The following GRIA1 variants were observed in gnomAD, a reference collection of about 807,000 sequenced individuals.
The protein encoded by GRIA1 is glutamate receptor 1.
GRIA1 carries 31 observed loss-of-function variants against 99.2 expected under a neutral mutation model. The ratio of observed to expected loss-of-function variants is 0.31; its 90% CI spans 0.23 to 0.42. GRIA1 has a LOEUF of 0.42. Ranked by LOEUF, GRIA1 falls within the 10% of genes least tolerant of loss-of-function variation. The pLI, the probability that GRIA1 is intolerant of heterozygous loss-of-function variation, is 1.00. For synonymous variants in GRIA1, 438 were observed against 432.4 expected (o/e 1.01, Z -0.16); for missense variants, 782 against 1,157.5 (o/e 0.68, Z 4.71).
intron 1 of GRIA1, 33 bp downstream of exon 1, chr5:153,491,003 C>A (rs201065021): frequency 2.9e-5 from 46 of 1,593,518 alleles, no homozygotes; most frequent in Non-Finnish European, 2.6e-5. Flanking sequence ...GAGGGACTTT[C>A]TGGGTCTGGC....
chr5:153,797,022 G>C (rs1182922375), intron 14 of GRIA1, among the ~76,000 whole-genome samples: 2 of 152,186 alleles, frequency 1.3e-5, no homozygotes, highest in Non-Finnish European at 2.9e-5. Flanking sequence ...TGCTCCGCTT[G>C]CTCCTTCCCC....
intron 2 of GRIA1, among the ~76,000 whole-genome samples, chr5:153,547,673 T>C (rs1759729832): frequency 6.6e-6 from 1 of 152,212 alleles, no homozygotes; most frequent in South Asian, 2.1e-4. Flanking sequence ...ATATTAGTAA[T>C]AGCTAGTTAC....
In GRIA1 at chr5:153,811,111, C is replaced by T. The variant is rs201719424; in HGVS notation, c.2607C>T (p.Ser869=). 4.3e-5 allele frequency: 70 copies of T among 1,613,882 alleles called. No homozygotes were observed. In the Admixed American group the frequency reaches 6.2e-4, roughly 14 times the overall value. The change falls in exon 16 of 16, where the codon AGC becomes AGT. Residue 869 remains serine (S), a synonymous_variant. Coordinates refer to ENST00000285900, the MANE Select transcript of GRIA1 (RefSeq NM_000827.4). The part of the protein sequence containing the change: ...LPRNSGAGAS[S]GGSGENGRVV... ...GCAACAGCGGGGCAGGAGCCAGCAG[C>T]GGCGGCAGTGGAGAGAATGGTCGGG... is the stretch of plus-strand genomic sequence containing the variant.
chr5:153,694,874 A>C (rs908987938), intron 8 of GRIA1, among the ~76,000 whole-genome samples: 1 of 152,100 alleles, frequency 6.6e-6, no homozygotes, highest in Non-Finnish European at 1.5e-5. Flanking sequence ...CTGTGGACTA[A>C]TTGTGAAGAA....
rs541670673 is a variant in GRIA1, at chr5:153,533,680, C to T, written c.220+39615C>T. On this transcript the variant is annotated intron_variant, in intron 2 of 15. Coordinates refer to ENST00000285900, the MANE Select transcript of GRIA1 (RefSeq NM_000827.4). ...TATTTCTCCATTGACACAGTTTAAC[C>T]TTTGCTTTTGGCAGCTAGCATATTG... Among the ~76,000 whole-genome samples, 6 of 152,246 alleles carry T rather than the reference C, an allele frequency of 3.9e-5. No homozygotes were observed. In the South Asian group the frequency reaches 1.0e-3, roughly 26 times the overall value.
At chr5:153,636,966 C>T (rs1034877161) in intron 2 of GRIA1, among the ~76,000 whole-genome samples, 4 of 152,220 alleles carry the variant, frequency 2.6e-5, no homozygotes, top group Non-Finnish European at 5.9e-5. Flanking sequence ...CTCTGCCACT[C>T]ACCACATGAA....
intron 2 of GRIA1, among the ~76,000 whole-genome samples, chr5:153,522,479 G>C (rs1011502455): frequency 1.3e-5 from 2 of 152,134 alleles, no homozygotes; most frequent in African/African-American, 4.8e-5. Flanking sequence ...AGTTAGGCCA[G>C]GTTATACCAC....
intron 5 of GRIA1, 81 bp downstream of exon 5, chr5:153,655,953 T>C (rs1469097147): frequency 2.5e-6 from 3 of 1,221,904 alleles, no homozygotes; most frequent in Non-Finnish European, 3.6e-6. Flanking sequence ...CCCTGGCTGA[T>C]GTGAACTGAG....
At chr5:153,496,084 G>T (rs945643694) in intron 2 of GRIA1, among the ~76,000 whole-genome samples, 1 of 152,242 alleles carries the variant, frequency 6.6e-6, no homozygotes, top group Non-Finnish European at 1.5e-5. Flanking sequence ...GTGTCAAGAT[G>T]TTGACTGGCA....
chr5:153,610,892 CGT>C (rs936561674), intron 2 of GRIA1, among the ~76,000 whole-genome samples: 4 of 152,154 alleles, frequency 2.6e-5, no homozygotes, highest in African/African-American at 9.7e-5. Context: ...ACACGTTTAT[CGT>C]GTGTCTCTCA....
intron 1 of GRIA1, chr5:153,491,462 GA>G: frequency 3.7e-6 from 1 of 270,746 alleles, no homozygotes; most frequent in Non-Finnish European, 5.8e-6. Context: ...AAGAAGGAGT[GA>G]GGGGTGCTGG....
intron 11 of GRIA1, among the ~76,000 whole-genome samples, chr5:153,753,816 G>A (rs1247129791): frequency 6.6e-6 from 1 of 152,166 alleles, no homozygotes; most frequent in Non-Finnish European, 1.5e-5. Flanking sequence ...TCAGATCACA[G>A]CTGTTTCTTC....
intron 2 of GRIA1, among the ~76,000 whole-genome samples, chr5:153,605,082 G>A (rs920549859): frequency 3.9e-5 from 6 of 151,946 alleles, no homozygotes; most frequent in African/African-American, 1.5e-4. Context: ...AGCTACTAGG[G>A]AGGCTGAGAC....
chr5:153,548,041 A>T (rs753832828), intron 2 of GRIA1, among the ~76,000 whole-genome samples: 3 of 152,184 alleles, frequency 2.0e-5, no homozygotes, highest in African/African-American at 4.8e-5. Flanking sequence ...CATAAAAAAA[A>T]TTTTTGTTGA....
intron 2 of GRIA1, among the ~76,000 whole-genome samples, chr5:153,616,483 G>C (rs866942899): frequency 6.7e-6 from 1 of 150,208 alleles, no homozygotes; most frequent in East Asian, 1.9e-4. Context: ...AAAAAAATTC[G>C]CAAAAAAAAA....
intron 11 of GRIA1, among the ~76,000 whole-genome samples, chr5:153,751,670 T>A (rs1298707915): frequency 6.6e-6 from 1 of 152,228 alleles, no homozygotes; most frequent in Non-Finnish European, 1.5e-5. Flanking sequence ...ACTGTGACAT[T>A]AGAAGCACAC....
rs200822025 is a variant in GRIA1, at chr5:153,732,578, A to AT, written c.1823+26517dup. ...CCATTTTTAACTAGGTTATTTGGGG[A>AT]TTTTTTGCCATTGAGTTGTAAGAGT... On this transcript the variant is annotated intron_variant, in intron 11 of 15. Transcript: ENST00000285900. 8.7e-3 allele frequency among the ~76,000 whole-genome samples: 1,326 copies of AT among 152,052 alleles called. 7 individuals are homozygous for AT. The highest frequency in any genetic ancestry group is 0.014 in the Middle Eastern group (4 of 294).
rs185654866 is a variant in GRIA1, at chr5:153,708,235, T to C, written c.1823+2168T>C. On this transcript the variant is annotated intron_variant, in intron 11 of 15. Transcript: ENST00000285900. Reference sequence around the variant, plus strand: ...TTGGCAATGGTTACCCAAAACTGAGTGGTAGCTTCCCTCTTGAACAGGTCC... The same window carrying C: ...TTGGCAATGGTTACCCAAAACTGAGCGGTAGCTTCCCTCTTGAACAGGTCC... Among the ~76,000 whole-genome samples, 179 of 152,220 alleles carry C rather than the reference T, an allele frequency of 1.2e-3. 1 individual carries two copies. Among genetic ancestry groups the C allele is most frequent in the African/African-American group, 4.2e-3 (175 of 41,538 alleles).
chr5:153,732,950 G>T, intron 11 of GRIA1, among the ~76,000 whole-genome samples: 4 of 142,210 alleles, frequency 2.8e-5, no homozygotes, highest in African/African-American at 2.6e-5. Context: ...CTTTGCATGT[G>T]GACATCTAGT....
Sources: allele counts gnomAD v4.1 joint callset (sites outside exome capture counted in the v4.1 genomes callset), GRCh38; gene constraint gnomAD v4.1.1; transcripts MANE v1.5; gene names NCBI Gene and HGNC (gene_info 2026-07-23, HGNC 2026-07-21).